LGR4: variants seen among roughly 807,000 people sequenced by gnomAD.
LGR4 encodes the protein leucine rich repeat containing G protein-coupled receptor 4.
Under a neutral mutation model 84.8 loss-of-function variants are expected in LGR4, and 44 were observed. The observed-to-expected ratio is 0.52, with a 90% CI of 0.41 to 0.67. LGR4 has a LOEUF of 0.67. LGR4 is among the 30% of genes least tolerant of loss of function. The pLI, the probability that LGR4 is intolerant of heterozygous loss-of-function variation, is 0.00. For synonymous variants in LGR4, 429 were observed against 434.3 expected (o/e 0.99, Z 0.15); for missense variants, 1,032 against 1,131.4 (o/e 0.91, Z 1.26).
intron 2 of LGR4, among the ~76,000 whole-genome samples, chr11:27,396,090 T>C (rs765210011): frequency 3.3e-5 from 5 of 152,166 alleles, no homozygotes; most frequent in Admixed American, 6.5e-5. Context: ...TCTGAGTCCC[T>C]GAGTGGTTAG....
intron 1 of LGR4, among the ~76,000 whole-genome samples, chr11:27,444,721 T>C (rs918534109): frequency 6.6e-6 from 1 of 152,238 alleles, no homozygotes; most frequent in Non-Finnish European, 1.5e-5. Context: ...ATTTTCTTTT[T>C]GCACAACTTA....
In LGR4 at chr11:27,372,266, G is replaced by A. The variant is rs2448001; in HGVS notation, c.1495+17C>T. On this transcript the variant is annotated intron_variant, in intron 16 of 17. Coordinates refer to ENST00000379214, the MANE Select transcript of LGR4 (RefSeq NM_018490.5). ...GCCTTAAAGGAGTGTTCTATTTTTT[G>A]AAACTCATGCACTTGCCTTTCTCCT... The A allele has an allele frequency of 0.37, 530,666 of 1,422,208 alleles. 100,897 individuals are homozygous for A. Among genetic ancestry groups the A allele is most frequent in the African/African-American group, 0.45 (31,571 of 70,530 alleles). The allele number at this position is 1,422,208 out of a possible 1,614,324, so 88.1% of individuals were successfully genotyped here.
intron 1 of LGR4, among the ~76,000 whole-genome samples, chr11:27,440,418 G>C (rs1158146985): frequency 1.3e-5 from 2 of 152,148 alleles, no homozygotes; most frequent in African/African-American, 4.8e-5. Flanking sequence ...TGTATTCTTT[G>C]AGAAAGAGAG....
At chr11:27,402,952 A>C in intron 2 of LGR4, among the ~76,000 whole-genome samples, 1 of 152,188 alleles carries the variant, frequency 6.6e-6, no homozygotes, top group East Asian at 1.9e-4. Context: ...TTTGTGATGC[A>C]TCATAGCAGC....
chr11:27,402,929 C>G (rs576681159), intron 2 of LGR4, among the ~76,000 whole-genome samples: 1 of 152,134 alleles, frequency 6.6e-6, no homozygotes, highest in African/African-American at 2.4e-5. Flanking sequence ...TCAGGGCCTA[C>G]GTCTCTGCTA....
In LGR4 at chr11:27,372,138, T is replaced by C. The variant is rs1862896047; in HGVS notation, c.1495+145A>G. 4 of 642,778 alleles carry C rather than the reference T, an allele frequency of 6.2e-6. No homozygotes were observed. The South Asian group carries it at 7.5e-5, about 12-fold the overall frequency. The allele number at this position is 642,778 out of a possible 1,614,324, so 39.8% of individuals were successfully genotyped here. A position where few individuals can be genotyped will look rare whatever the true frequency, so the allele number is the denominator to read the frequency against. ...CCTTGGCCTCCCTAAGTGCTGAGAT[T>C]ACAGGCATGAGCCATCACACCTGGC... On this transcript the variant is annotated intron_variant, in intron 16 of 17. Transcript: ENST00000379214.
chr11:27,381,645 G>T (rs995697203), intron 7 of LGR4, among the ~76,000 whole-genome samples: 1 of 152,030 alleles, frequency 6.6e-6, no homozygotes, highest in Admixed American at 6.6e-5. Flanking sequence ...TCATGCCACT[G>T]CACCGTGACA....
rs1862761938 is a variant in LGR4 at position 27,366,191 on chromosome 11, A to G, written c.*1676T>C. On this transcript the variant is annotated 3_prime_UTR_variant, in exon 18 of 18. Coordinates refer to ENST00000379214, the MANE Select transcript of LGR4 (RefSeq NM_018490.5). ...GTAAATATACATGATAGCAATTTTTAAAACTTGTAAATAGTTGGCCTTACA... is the reference window on the plus strand; with the variant it reads ...GTAAATATACATGATAGCAATTTTTGAAACTTGTAAATAGTTGGCCTTACA... 6.6e-6 allele frequency: 1 copy of G among 152,596 alleles called. No homozygotes were observed. Among genetic ancestry groups the G allele is most frequent in the Admixed American group, 6.5e-5 (1 of 15,286 alleles). The allele number at this position is 152,596 out of a possible 1,614,324, so 9.5% of individuals were successfully genotyped here. A position where few individuals can be genotyped will look rare whatever the true frequency, so the allele number is the denominator to read the frequency against.
At chr11:27,379,959 G>A (rs541222837) in intron 10 of LGR4, among the ~76,000 whole-genome samples, 3 of 152,128 alleles carry the variant, frequency 2.0e-5, no homozygotes, top group Non-Finnish European at 2.9e-5. Flanking sequence ...TACCTCCTCC[G>A]TGAAGCCTTC....
intron 1 of LGR4, among the ~76,000 whole-genome samples, chr11:27,468,649 G>A (rs1185311089): frequency 1.3e-5 from 2 of 151,718 alleles, no homozygotes; most frequent in Non-Finnish European, 2.9e-5. Context: ...AGCCTTAGAG[G>A]TGATCAAGTG....
At chr11:27,408,805 C>T (rs902185434) in intron 2 of LGR4, among the ~76,000 whole-genome samples, 9 of 152,110 alleles carry the variant, frequency 5.9e-5, no homozygotes, top group South Asian at 4.1e-4. Context: ...AAATTTCTCA[C>T]GGCGACATAG....
At chr11:27,390,622 G>C (rs1863266497) in intron 4 of LGR4, among the ~76,000 whole-genome samples, 1 of 152,162 alleles carries the variant, frequency 6.6e-6, no homozygotes, top group Non-Finnish European at 1.5e-5. Context: ...CATTATTCTA[G>C]TAGAAGCTAA....
chr11:27,409,141 A>C (rs571489954), intron 2 of LGR4, among the ~76,000 whole-genome samples: 1 of 152,290 alleles, frequency 6.6e-6, no homozygotes, highest in South Asian at 2.1e-4. Context: ...ATAGTATCTA[A>C]AGTACATTTC....
chr11:27,440,948 G>A (rs974490062), intron 1 of LGR4, among the ~76,000 whole-genome samples: 14 of 152,092 alleles, frequency 9.2e-5, no homozygotes, highest in South Asian at 4.1e-4. Context: ...GTGGCACAAC[G>A]GGGAACCACT....
rs562179077 is a variant in LGR4, at chr11:27,373,492, T to C, written c.1379+59A>G. The C allele has an allele frequency of 5.9e-5, 86 of 1,454,110 alleles. 3 individuals carry two copies. In the South Asian group the frequency reaches 1.3e-3, roughly 22 times the overall value. 90.1% of individuals were successfully genotyped at this position (1,454,110 alleles called of 1,614,324 possible). On this transcript the variant is annotated intron_variant, in intron 15 of 17. Transcript: ENST00000379214. ...GAACCAGAGCAAAAAACCAGGACAC[T>C]CTGTAATTTTGGAGCCTACCATAAC...
chr11:27,437,872 G>A (rs1372351601), intron 1 of LGR4, among the ~76,000 whole-genome samples: 1 of 152,032 alleles, frequency 6.6e-6, no homozygotes, highest in African/African-American at 2.4e-5. Context: ...AGGAGGGGTG[G>A]CGTGCCCTGT....
intron 1 of LGR4, among the ~76,000 whole-genome samples, chr11:27,429,885 C>G (rs1864086982): frequency 6.6e-6 from 1 of 152,084 alleles, no homozygotes; most frequent in Non-Finnish European, 1.5e-5. Context: ...TCCTGAGAGA[C>G]AGGAAGAGGG....
At chr11:27,439,919 T>C (rs897976080) in intron 1 of LGR4, among the ~76,000 whole-genome samples, 47 of 148,694 alleles carry the variant, frequency 3.2e-4, no homozygotes, top group Non-Finnish European at 1.9e-4. Context: ...TTTTTTTTTT[T>C]TTTTGAGACG....
intron 6 of LGR4, among the ~76,000 whole-genome samples, chr11:27,383,252 T>C (rs1333085332): frequency 6.6e-6 from 1 of 152,196 alleles, no homozygotes; most frequent in Non-Finnish European, 1.5e-5. Context: ...AGAATGAAAG[T>C]AAAATAAAAT....
Sources: allele counts gnomAD v4.1 joint callset (sites outside exome capture counted in the v4.1 genomes callset), GRCh38; gene constraint gnomAD v4.1.1; transcripts MANE v1.5; gene names NCBI Gene and HGNC (gene_info 2026-07-23, HGNC 2026-07-21).